BHMT: variants seen among roughly 807,000 people sequenced by gnomAD.
BHMT encodes betaine--homocysteine S-methyltransferase 1.
BHMT carries 38 observed loss-of-function variants against 49.5 expected under a neutral mutation model. That is an observed-to-expected ratio of 0.77 (90% CI 0.59 to 1.01). The LOEUF (loss-of-function observed/expected upper bound fraction) is 1.01. Among genes scored for constraint, BHMT ranks in the 50% least tolerant of loss-of-function variants. The pLI is 0.00. For synonymous variants in BHMT, 166 were observed against 176.3 expected, an observed-to-expected ratio of 0.94 and a Z score of 0.46; for missense variants, 426 against 495.7, an observed-to-expected ratio of 0.86 and a Z score of 1.34.
chr5:79,118,730 C>G (rs538467586), intron 2 of BHMT, among the ~76,000 whole-genome samples: 1 of 152,230 alleles, frequency 6.6e-6, no homozygotes, highest in Non-Finnish European at 1.5e-5. Flanking sequence ...AGGCTATTCT[C>G]TCTGGATGGA....
chr5:79,128,524 T>A (rs1283604935), intron 7 of BHMT, among the ~76,000 whole-genome samples: 1 of 110,820 alleles, frequency 9.0e-6, no homozygotes, highest in Non-Finnish European at 1.9e-5. Flanking sequence ...AGTGAGACCC[T>A]GTTTTAAAAA....
At chr5:79,120,623 G>A in intron 4 of BHMT, 82 bp downstream of exon 4, 3 of 1,304,364 alleles carry the variant, frequency 2.3e-6, no homozygotes, top group Non-Finnish European at 3.1e-6. Flanking sequence ...TACTGTGTGG[G>A]GTTAGGTGAC....
At chr5:79,119,900 G>T (rs1051784719) in intron 3 of BHMT, among the ~76,000 whole-genome samples, 5 of 152,094 alleles carry the variant, frequency 3.3e-5, no homozygotes, top group South Asian at 2.1e-4. Context: ...AATTAGAAAA[G>T]ACCTTATTAG....
Position 79,120,518 on chromosome 5 carries a change from A to G in BHMT, c.454A>G (p.Asn152Asp). Residue 152 changes from asparagine to aspartate, a missense_variant, in exon 4 of 8, where the codon AAC (asparagine) becomes GAC (aspartate). This residue lies in a region of BHMT where 321 missense variants were observed against 355.9 expected (regional missense o/e 0.90). Transcript: ENST00000274353. ...LQQLEVFMKK[N>D]VDFLIAEYFE... ...ACAGTTAGAGGTCTTTATGAAGAAG[A>G]ACGTGGACTTCTTGATTGCAGAGGT... 1 of 1,611,888 alleles carries G rather than the reference A, an allele frequency of 6.2e-7. No homozygotes were observed. The highest frequency in any genetic ancestry group is 8.5e-7 in the Non-Finnish European group (1 of 1,179,498).
chr5:79,121,845 A>G (rs1756478523), intron 5 of BHMT, among the ~76,000 whole-genome samples: 1 of 150,374 alleles, frequency 6.7e-6, no homozygotes, highest in African/African-American at 2.4e-5. Flanking sequence ...GAATATCCTC[A>G]GTCTATAGTT....
chr5:79,118,109 G>C (rs1756413605), intron 2 of BHMT, among the ~76,000 whole-genome samples: 1 of 152,156 alleles, frequency 6.6e-6, no homozygotes, highest in African/African-American at 2.4e-5. Flanking sequence ...TAAAACAAAT[G>C]ATAATTTCTT....
At chr5:79,113,146 G>A (rs374430275) in intron 1 of BHMT, among the ~76,000 whole-genome samples, 7 of 152,348 alleles carry the variant, frequency 4.6e-5, no homozygotes, top group African/African-American at 1.4e-4. Flanking sequence ...GATTCTAAAT[G>A]CAGCATCGTG....
intron 5 of BHMT, among the ~76,000 whole-genome samples, chr5:79,123,280 T>C (rs1018179047): frequency 3.9e-5 from 6 of 152,038 alleles, no homozygotes; most frequent in East Asian, 3.9e-4. Context: ...TGAGGCCTAC[T>C]TGGAACAAGA....
chr5:79,131,563 A>G lies in BHMT; in HGVS notation c.*447A>G, dbSNP rs1756644113. 1.3e-5 allele frequency: 2 copies of G among 153,086 alleles called. No individual in the cohort carries two copies. Among genetic ancestry groups the G allele is most frequent in the Admixed American group, 6.5e-5 (1 of 15,340 alleles). The allele number at this position is 153,086 out of a possible 1,614,324, so 9.5% of individuals were successfully genotyped here. On this transcript the variant is annotated 3_prime_UTR_variant, in exon 8 of 8. Transcript: ENST00000274353. ...ACCCTTAGTAACAAACACAATTTAT[A>G]TAATGACCCAGCAAAACACATCACA... is the stretch of plus-strand genomic sequence containing the variant.
intron 2 of BHMT, among the ~76,000 whole-genome samples, chr5:79,118,242 G>A (rs1756416186): frequency 6.6e-6 from 1 of 152,142 alleles, no homozygotes; most frequent in Non-Finnish European, 1.5e-5. Flanking sequence ...GAGGTGGGCG[G>A]ATCACTTGAG....
intron 1 of BHMT, 131 bp downstream of exon 1, chr5:79,112,049 C>A: frequency 9.0e-7 from 1 of 1,114,172 alleles, no homozygotes; most frequent in Non-Finnish European, 1.2e-6. Flanking sequence ...TCCCCTCCCT[C>A]AGCCTCAGAC....
chr5:79,121,233 G>A lies in BHMT; in HGVS notation c.493G>A (p.Glu165Lys). 6.2e-7 allele frequency: 1 copy of A among 1,613,998 alleles called. No individual in the cohort carries two copies. The highest frequency in any genetic ancestry group is 8.5e-7 in the Non-Finnish European group (1 of 1,179,928). Residue 165 changes from glutamate (E) to lysine (K), a missense_variant, in exon 5 of 8, where the codon GAA becomes AAA. By Grantham distance (56) the Glu-to-Lys change is moderately conservative (BLOSUM62 1). Around this residue, in one of 3 missense-constraint regions of BHMT, gnomAD observed 321 missense variants for 355.9 expected, o/e 0.90. Transcript: ENST00000274353. ...CTGATTCCAGTATTTTGAACACGTT[G>A]AAGAAGCTGTGTGGGCAGTTGAAAC... ...FLIAEYFEHV[E>K]EAVWAVETLI...
chr5:79,115,884 G>A lies in BHMT; in HGVS notation c.151G>A (p.Glu51Lys), dbSNP rs1756379892. The change falls in exon 2 of 8, where the codon GAG becomes AAG. Residue 51 changes from glutamate to lysine, a missense_variant. This residue lies in a region of BHMT where 321 missense variants were observed against 355.9 expected (regional missense o/e 0.90). Transcript: ENST00000274353. ...ACCCTGGACTCCTGAAGCTGCTGTG[G>A]AGCACCCAGAAGCAGGTTGGTGCAG... ...AGPWTPEAAV[E>K]HPEAVRQLHR... 1.2e-6 allele frequency: 2 copies of A among 1,613,536 alleles called. No individual in the cohort carries two copies. Among genetic ancestry groups the A allele is most frequent in the Non-Finnish European group, 8.5e-7 (1 of 1,179,754 alleles).
chr5:79,115,315 A>C (rs911118170), intron 1 of BHMT, among the ~76,000 whole-genome samples: 3 of 152,008 alleles, frequency 2.0e-5, no homozygotes, highest in Non-Finnish European at 4.4e-5. Flanking sequence ...AAAAAAAAAA[A>C]AAATAGCATT....
rs892074867 is a variant in BHMT at position 79,131,250 on chromosome 5, A to G, written c.*134A>G. On this transcript the variant is annotated 3_prime_UTR_variant, in exon 8 of 8. Transcript: ENST00000274353. Reference sequence around the variant, plus strand: ...ATATTATTGCTATTACCTGAACAAAATAGAATTACAAATAGCACTTGATAA... The same window carrying G: ...ATATTATTGCTATTACCTGAACAAAGTAGAATTACAAATAGCACTTGATAA... 3 of 840,734 alleles carry G rather than the reference A, an allele frequency of 3.6e-6. No homozygotes were observed. Among genetic ancestry groups the G allele is most frequent in the South Asian group, 2.5e-5 (1 of 40,626 alleles). 52.1% of individuals were successfully genotyped at this position (840,734 alleles called of 1,614,324 possible). A position where few individuals can be genotyped will look rare whatever the true frequency, so the allele number is the denominator to read the frequency against.
chr5:79,131,342 C>A lies in BHMT; in HGVS notation c.*226C>A. 1 of 438,360 alleles carries A rather than the reference C, an allele frequency of 2.3e-6. No individual in the cohort carries two copies. Among genetic ancestry groups the A allele is most frequent in the Non-Finnish European group, 4.0e-6 (1 of 248,282 alleles). 27.2% of individuals were successfully genotyped at this position (438,360 alleles called of 1,614,324 possible). Reference sequence around the variant, plus strand: ...GTACAAAGTAAATCTTGAACAGGTTCACTAAGCACCCACCCTGTGAAAAGT... The same window carrying A: ...GTACAAAGTAAATCTTGAACAGGTTAACTAAGCACCCACCCTGTGAAAAGT... On this transcript the variant is annotated 3_prime_UTR_variant, in exon 8 of 8. Transcript: ENST00000274353.
chr5:79,130,541 G>T (rs1043439177), intron 7 of BHMT, among the ~76,000 whole-genome samples: 11 of 151,768 alleles, frequency 7.2e-5, no homozygotes, highest in African/African-American at 2.7e-4. Context: ...AAAGCCTGTT[G>T]CTGATGGTTG....
At chr5:79,123,171 G>C (rs1756498618) in intron 5 of BHMT, among the ~76,000 whole-genome samples, 2 of 152,202 alleles carry the variant, frequency 1.3e-5, no homozygotes, top group African/African-American at 4.8e-5. Flanking sequence ...ACTGCTGAGA[G>C]CTTCAGTGAG....
At chr5:79,128,822 G>A (rs1333971774) in intron 7 of BHMT, among the ~76,000 whole-genome samples, 2 of 152,146 alleles carry the variant, frequency 1.3e-5, no homozygotes, top group Admixed American at 6.5e-5. Flanking sequence ...TGTATGTCAG[G>A]CACTGGGAAG....
Sources: gnomAD v4.1 joint callset for allele counts (sites outside exome capture counted in the v4.1 genomes callset) on GRCh38, gnomAD v4.1.1 for gene constraint, gnomAD v4.1.1 regional missense constraint, MANE v1.5 for transcripts, NCBI Gene and HGNC (gene_info 2026-07-23, HGNC 2026-07-21) for gene names.